Variants in DAB1 observed in about 807,000 individuals in gnomAD.
DAB1 encodes disabled homolog 1.
In DAB1, 15 loss-of-function variants were observed where a neutral mutation model predicts 64.6. The observed-to-expected ratio is 0.23, with a 90% CI of 0.16 to 0.36. The LOEUF is 0.36. Among genes scored for constraint, DAB1 ranks in the 10% least tolerant of loss-of-function variants. The pLI is 1.00. For missense variants in DAB1, 596 were observed against 706.7 expected (o/e 0.84, Z 1.78); for synonymous variants, 235 against 251.9 (o/e 0.93, Z 0.64).
intron 1 of DAB1, chr1:58,530,827 C>T: frequency 4.3e-6 from 3 of 705,798 alleles, no homozygotes; most frequent in Non-Finnish European, 5.0e-6. Flanking sequence ...ACCTGACCTT[C>T]TCCACCTAAG....
chr1:58,037,325 G>A lies in DAB1; in HGVS notation n.387+113186C>T, dbSNP rs550893627. Among the ~76,000 whole-genome samples, 12 of 152,184 alleles carry A rather than the reference G, an allele frequency of 7.9e-5. No homozygotes were observed. The East Asian group carries it at 2.3e-3, about 30-fold the overall frequency. On this transcript the variant is annotated intron_variant and non_coding_transcript_variant, in intron 5 of 20. Transcript: ENST00000485760. ...TTTCTGATGAGGATAGCTCTGAGGC[G>A]GGGTCTATGCTGCCTCCAGATCTTC...
chr1:57,314,142 A>G (rs1674979936), intron 1 of DAB1, among the ~76,000 whole-genome samples: 1 of 152,212 alleles, frequency 6.6e-6, no homozygotes, highest in Non-Finnish European at 1.5e-5. Context: ...TTTGTTCCCT[A>G]CGCAATTTAC....
intron 5 of DAB1, among the ~76,000 whole-genome samples, chr1:57,985,072 T>A (rs1348298814): frequency 6.6e-6 from 1 of 152,102 alleles, no homozygotes; most frequent in Non-Finnish European, 1.5e-5. Flanking sequence ...CAGGCCCAAC[T>A]AATTTTTGTA....
chr1:57,261,863 T>C (rs1558045559), intron 2 of DAB1, among the ~76,000 whole-genome samples: 2 of 152,224 alleles, frequency 1.3e-5, no homozygotes, highest in African/African-American at 4.8e-5. Flanking sequence ...TGAAGTGCGG[T>C]AAAAAATGTC....
chr1:57,721,776 G>A (rs561792039), intron 6 of DAB1, among the ~76,000 whole-genome samples: 23 of 152,264 alleles, frequency 1.5e-4, no homozygotes, highest in African/African-American at 4.6e-4. Flanking sequence ...AGGAGCGTTC[G>A]GCATGCTGTG....
intron 1 of DAB1, among the ~76,000 whole-genome samples, chr1:57,351,719 T>A (rs1364219874): frequency 6.6e-6 from 1 of 151,930 alleles, no homozygotes; most frequent in African/African-American, 2.4e-5. Context: ...CAGAGCAGGG[T>A]GGACCCCTGG....
intron 3 of DAB1, among the ~76,000 whole-genome samples, chr1:58,420,937 T>G (rs1439887555): frequency 6.6e-6 from 1 of 152,188 alleles, no homozygotes; most frequent in Non-Finnish European, 1.5e-5. Flanking sequence ...AGTGGCTCCC[T>G]GCACCAGGCC....
intron 1 of DAB1, among the ~76,000 whole-genome samples, chr1:57,375,906 G>A (rs1446361981): frequency 1.3e-5 from 2 of 152,156 alleles, no homozygotes; most frequent in African/African-American, 4.8e-5. Flanking sequence ...CCTTCCATGA[G>A]CTTCCAGGGA....
At chr1:58,309,124 G>C (rs988928260) in intron 4 of DAB1, among the ~76,000 whole-genome samples, 1 of 152,136 alleles carries the variant, frequency 6.6e-6, no homozygotes, top group African/African-American at 2.4e-5. Context: ...ATAAAATGCG[G>C]ATGATATTGT....
chr1:58,238,107 T>G (rs1260372781), intron 4 of DAB1, among the ~76,000 whole-genome samples: 2 of 152,166 alleles, frequency 1.3e-5, no homozygotes, highest in Non-Finnish European at 2.9e-5. Flanking sequence ...AGTAAGTACC[T>G]GGAATTGTGC....
chr1:57,279,882 T>C (rs755706565), intron 2 of DAB1, among the ~76,000 whole-genome samples: 8 of 152,230 alleles, frequency 5.3e-5, no homozygotes, highest in Non-Finnish European at 1.0e-4. Context: ...TAACTTCTTT[T>C]CTAACTATAC....
chr1:57,020,748 G>T (rs148870866), intron 11 of DAB1, among the ~76,000 whole-genome samples: 2 of 152,318 alleles, frequency 1.3e-5, no homozygotes, highest in Non-Finnish European at 2.9e-5. Flanking sequence ...TTCTACAGCT[G>T]CAGTTAATGT....
At chr1:57,786,295 C>T (rs1650336133) in intron 6 of DAB1, among the ~76,000 whole-genome samples, 1 of 152,076 alleles carries the variant, frequency 6.6e-6, no homozygotes, top group African/African-American at 2.4e-5. Context: ...TGGCACTGAA[C>T]CCACAATACC....
intron 5 of DAB1, among the ~76,000 whole-genome samples, chr1:58,134,637 C>A (rs904100724): frequency 3.3e-5 from 5 of 152,184 alleles, no homozygotes; most frequent in African/African-American, 4.8e-5. Flanking sequence ...GCACATTTCA[C>A]ATGGCCAGCA....
At chr1:57,553,473 A>AAGG (rs373756684) in intron 7 of DAB1, among the ~76,000 whole-genome samples, 2 of 25,598 alleles carry the variant, frequency 7.8e-5, no homozygotes, top group African/African-American at 1.3e-4. Flanking sequence ...AAAGGGAAAG[A>AAGG]AAGGAAGGAA....
At chr1:57,926,313 C>T (rs115239132) in intron 5 of DAB1, among the ~76,000 whole-genome samples, 3 of 152,110 alleles carry the variant, frequency 2.0e-5, no homozygotes, top group Non-Finnish European at 2.9e-5. Flanking sequence ...CTTGAGAGTT[C>T]CCTTTCATTT....
At chr1:58,228,071 G>C (rs17117148) in intron 4 of DAB1, among the ~76,000 whole-genome samples, 8,354 of 152,214 alleles carry the variant, frequency 0.055, 782 homozygotes, top group African/African-American at 0.19. Flanking sequence ...CATTATCTGG[G>C]AGTCAGTGAT....
At chr1:57,493,171 T>C (rs538546067) in intron 7 of DAB1, among the ~76,000 whole-genome samples, 1 of 151,776 alleles carries the variant, frequency 6.6e-6, no homozygotes, top group Non-Finnish European at 1.5e-5. Context: ...TAATATAAAT[T>C]TATCATTTTA....
At chr1:58,089,608 G>A (rs895739268) in intron 5 of DAB1, among the ~76,000 whole-genome samples, 2 of 152,212 alleles carry the variant, frequency 1.3e-5, no homozygotes, top group African/African-American at 2.4e-5. Flanking sequence ...TCTAAAGGCA[G>A]CTAAAGTGAA....
Sources: gnomAD v4.1 joint callset for allele counts (sites outside exome capture counted in the v4.1 genomes callset) on GRCh38, gnomAD v4.1.1 for gene constraint, MANE v1.5 for transcripts, NCBI Gene and HGNC (gene_info 2026-07-23, HGNC 2026-07-21) for gene names.